The following IPCEF1 variants were observed in gnomAD, a reference collection of about 807,000 sequenced individuals.
IPCEF1 encodes interaction protein for cytohesin exchange factors 1.
Under a neutral mutation model 50.9 loss-of-function variants are expected in IPCEF1, and 31 were observed. The observed-to-expected ratio is 0.61, with a 90% CI of 0.46 to 0.82. The LOEUF is 0.82. Among genes scored for constraint, IPCEF1 ranks in the 40% least tolerant of loss-of-function variants. The probability of loss-of-function intolerance (pLI) is 0.00; values close to 1 mark genes in which losing one functional copy is unlikely to be tolerated. For synonymous variants in IPCEF1, 181 were observed against 192.0 expected, an observed-to-expected ratio of 0.94 and a Z score of 0.47; for missense variants, 458 against 514.0, an observed-to-expected ratio of 0.89 and a Z score of 1.05.
In IPCEF1 at chr6:154,292,622, C is replaced by T. The variant is rs116525888; in HGVS notation, c.-61-2866G>A. Among the ~76,000 whole-genome samples, 277 of 152,182 alleles carry T rather than the reference C, an allele frequency of 1.8e-3. 1 individual carries two copies. The highest frequency in any genetic ancestry group is 5.9e-3 in the African/African-American group (245 of 41,548). On this transcript the variant is annotated intron_variant, in intron 1 of 11. Coordinates refer to ENST00000367220, the MANE Select transcript of IPCEF1 (RefSeq NM_001130700.2). ...GTCAAATAAATCTAGATCCCTTTTTCTCTTTTGTAACCTGTACTCCCTGTT... is the reference window on the plus strand; with the variant it reads ...GTCAAATAAATCTAGATCCCTTTTTTTCTTTTGTAACCTGTACTCCCTGTT...
chr6:154,329,882 C>T (rs1783617275), intron 1 of IPCEF1: 1 of 152,232 alleles, frequency 6.6e-6, no homozygotes, highest in Non-Finnish European at 1.5e-5. Flanking sequence ...TCAGGAGAGT[C>T]TTTGTTTTGA....
intron 1 of IPCEF1, among the ~76,000 whole-genome samples, chr6:154,298,756 G>C (rs529330330): frequency 6.6e-6 from 1 of 152,132 alleles, no homozygotes; most frequent in Admixed American, 6.6e-5. Context: ...CTGAGGTCAG[G>C]AGATTGAGAC....
At chr6:154,219,120 G>A (rs1330331579) in intron 7 of IPCEF1, 2 of 152,182 alleles carry the variant, frequency 1.3e-5, no homozygotes, top group Admixed American at 6.6e-5. Flanking sequence ...TAAACACTGG[G>A]GCGGTGAGGA....
chr6:154,192,203 G>A (rs944384654), intron 10 of IPCEF1, among the ~76,000 whole-genome samples: 15 of 151,950 alleles, frequency 9.9e-5, no homozygotes, highest in African/African-American at 3.6e-4. Context: ...TTCTAAATTG[G>A]TTCCACCAAA....
At chr6:154,235,503 C>A (rs1780047423) in intron 5 of IPCEF1, among the ~76,000 whole-genome samples, 1 of 146,186 alleles carries the variant, frequency 6.8e-6, no homozygotes, top group African/African-American at 2.6e-5. Flanking sequence ...TGCACTCCAG[C>A]CTGGGCGACA....
intron 1 of IPCEF1, 79 bp downstream of exon 1, chr6:154,356,593 T>C (rs1414987442): frequency 2.0e-5 from 3 of 152,232 alleles, no homozygotes; most frequent in Non-Finnish European, 4.4e-5. Flanking sequence ...AGGAGAGTGC[T>C]AGGGTATCCA....
chr6:154,306,101 C>A (rs1213216475), intron 1 of IPCEF1, among the ~76,000 whole-genome samples: 5 of 152,102 alleles, frequency 3.3e-5, no homozygotes, highest in Non-Finnish European at 7.4e-5. Flanking sequence ...TCTAGAGAAC[C>A]CTAATACATC....
chr6:154,212,364 T>C (rs1270515166), intron 9 of IPCEF1, among the ~76,000 whole-genome samples: 1 of 152,250 alleles, frequency 6.6e-6, no homozygotes, highest in Non-Finnish European at 1.5e-5. Flanking sequence ...TCTCCTTTTT[T>C]CTTTCTGCTC....
chr6:154,253,702 C>T (rs942391288), intron 3 of IPCEF1, among the ~76,000 whole-genome samples: 3 of 152,110 alleles, frequency 2.0e-5, no homozygotes, highest in Non-Finnish European at 2.9e-5. Flanking sequence ...GATATTCCCA[C>T]GTTTCTTCCA....
At chr6:154,221,904 C>A (rs1226192498) in intron 6 of IPCEF1, among the ~76,000 whole-genome samples, 5 of 152,036 alleles carry the variant, frequency 3.3e-5, no homozygotes, top group Non-Finnish European at 7.4e-5. Context: ...AAAAATAAAA[C>A]ATATAGGTAT....
chr6:154,250,777 G>A (rs775119666), intron 3 of IPCEF1, among the ~76,000 whole-genome samples: 1 of 152,232 alleles, frequency 6.6e-6, no homozygotes, highest in Non-Finnish European at 1.5e-5. Context: ...AGACTTCATA[G>A]TGATCCTAAT....
intron 1 of IPCEF1, among the ~76,000 whole-genome samples, chr6:154,349,758 A>T (rs564156880): frequency 6.6e-6 from 1 of 152,310 alleles, no homozygotes. Context: ...AATTTGAAAA[A>T]ATCTATCCAG....
At chr6:154,224,339 C>A (rs187073505) in intron 5 of IPCEF1, among the ~76,000 whole-genome samples, 5 of 152,314 alleles carry the variant, frequency 3.3e-5, no homozygotes, top group African/African-American at 1.2e-4. Flanking sequence ...GCATCCAACC[C>A]TATGCCCATC....
chr6:154,219,578 C>T (rs1210816386), intron 7 of IPCEF1, among the ~76,000 whole-genome samples: 1 of 152,126 alleles, frequency 6.6e-6, no homozygotes, highest in Non-Finnish European at 1.5e-5. Flanking sequence ...TTGTGCCTTC[C>T]ACATCCCACT....
At chr6:154,205,814 T>G (rs1385457087) in intron 9 of IPCEF1, among the ~76,000 whole-genome samples, 1 of 152,120 alleles carries the variant, frequency 6.6e-6, no homozygotes, top group Non-Finnish European at 1.5e-5. Flanking sequence ...GCTATCATAT[T>G]TGATTATTCC....
At chr6:154,332,093 T>C (rs1344351851) in intron 1 of IPCEF1, among the ~76,000 whole-genome samples, 1 of 152,120 alleles carries the variant, frequency 6.6e-6, no homozygotes, top group Admixed American at 6.6e-5. Flanking sequence ...GAGGCAAGAA[T>C]CGGTTGCTAC....
At chr6:154,186,650 G>A (rs867049149) in intron 10 of IPCEF1, among the ~76,000 whole-genome samples, 21 of 151,916 alleles carry the variant, frequency 1.4e-4, no homozygotes, top group Middle Eastern at 3.4e-3. Flanking sequence ...TCCGCCTCCC[G>A]GGTTCGCGCC....
chr6:154,276,505 T>C (rs1205860211), intron 2 of IPCEF1, among the ~76,000 whole-genome samples: 2 of 152,194 alleles, frequency 1.3e-5, no homozygotes, highest in Admixed American at 6.5e-5. Context: ...GGCAGAACTG[T>C]TGCAAACTGT....
At chr6:154,249,124 T>C (rs182968867) in intron 3 of IPCEF1, among the ~76,000 whole-genome samples, 323 of 152,266 alleles carry the variant, frequency 2.1e-3, no homozygotes, top group Non-Finnish European at 3.7e-3. Flanking sequence ...TAAGCAAAGA[T>C]AGACATGTTA....
Sources: gnomAD v4.1 joint callset for allele counts (sites outside exome capture counted in the v4.1 genomes callset) on GRCh38, gnomAD v4.1.1 for gene constraint, MANE v1.5 for transcripts, NCBI Gene and HGNC (gene_info 2026-07-23, HGNC 2026-07-21) for gene names.